The following TRPC5 variants were observed in gnomAD, a reference collection of about 807,000 sequenced individuals.
TRPC5 encodes the protein transient receptor potential cation channel subfamily C member 5, also known as short transient receptor potential channel 5.
In TRPC5, 9 loss-of-function variants were observed where a neutral mutation model predicts 56.5. The observed-to-expected ratio is 0.16, with a 90% CI of 0.10 to 0.28. TRPC5 has a LOEUF of 0.28. Ranked by LOEUF, TRPC5 falls within the 10% of genes least tolerant of loss-of-function variation. The probability of loss-of-function intolerance (pLI) is 1.00; values close to 1 mark genes in which losing one functional copy is unlikely to be tolerated. For synonymous variants in TRPC5, 282 were observed against 278.5 expected (o/e 1.01, Z -0.13); for missense variants, 469 against 748.9 (o/e 0.63, Z 4.36).
At chrX:111,791,574 T>A (rs1458231661) in intron 7 of TRPC5, among the ~76,000 whole-genome samples, 1 of 111,887 alleles carries the variant, frequency 8.9e-6, no homozygotes, top group Non-Finnish European at 1.9e-5. Context: ...GCCTGCAGAG[T>A]CTCATCCAAC....
chrX:111,901,806 A>T, intron 3 of TRPC5: 1 of 993,654 alleles, frequency 1.0e-6, no homozygotes, highest in Non-Finnish European at 1.3e-6. Flanking sequence ...TCCATTTGCT[A>T]GAGCTTTTAG....
At chrX:111,783,772 A>T (rs1475624656) in intron 7 of TRPC5, among the ~76,000 whole-genome samples, 1 of 111,187 alleles carries the variant, frequency 9.0e-6, no homozygotes, top group African/African-American at 3.3e-5. Context: ...GAAAGTCAAA[A>T]TTATCATGTT....
At position 112,071,309 on chromosome X, in the gene TRPC5, AAAATAAATAAAT is replaced by A. The variant is rs199726256; in HGVS notation, c.-22+10558_-22+10569del. On this transcript the variant is annotated intron_variant, in intron 1 of 10. Transcript: ENST00000262839. ...GGTGGCAGATTGAGACCCTGTCTCA[AAAATAAATAAAT>A]AAATAAATAAATAAATAAATAAATA... Among the ~76,000 whole-genome samples the A allele has an allele frequency of 1.5e-3, 161 of 105,231 alleles. 1 individual carries two copies. The highest frequency in any genetic ancestry group is 5.3e-3 in the East Asian group (18 of 3,413). 91.4% of individuals were successfully genotyped at this position (105,231 alleles called of 115,157 possible).
At chrX:111,810,816 G>A (rs1243536907) in intron 7 of TRPC5, among the ~76,000 whole-genome samples, 1 of 111,234 alleles carries the variant, frequency 9.0e-6, no homozygotes, top group Non-Finnish European at 1.9e-5. Flanking sequence ...TTATATTTGT[G>A]TTCTTTCAAG....
rs141328089 is a variant in TRPC5, at chrX:111,993,732, C to T, written c.-21-41291G>A. Among the ~76,000 whole-genome samples, 597 of 112,129 alleles carry T rather than the reference C, an allele frequency of 5.3e-3. 7 individuals are homozygous for T. Among genetic ancestry groups the T allele is most frequent in the South Asian group, 0.015 (39 of 2,668 alleles). On this transcript the variant is annotated intron_variant, in intron 1 of 10. Coordinates refer to ENST00000262839, the MANE Select transcript of TRPC5 (RefSeq NM_012471.3). Reference sequence around the variant, plus strand: ...AAAGTGTCTGTTTGTATCCTTTGCCCACTTTTTGATGGGGTTGTTTGTTTT... The same window carrying T: ...AAAGTGTCTGTTTGTATCCTTTGCCTACTTTTTGATGGGGTTGTTTGTTTT...
intron 7 of TRPC5, among the ~76,000 whole-genome samples, chrX:111,804,729 T>G (rs776812934): frequency 2.4e-3 from 267 of 112,129 alleles, no homozygotes; most frequent in African/African-American, 8.4e-3. Flanking sequence ...CTGAAGTTGC[T>G]TATCAGCTTA....
intron 1 of TRPC5, among the ~76,000 whole-genome samples, chrX:112,071,767 C>T (rs980581394): frequency 8.9e-6 from 1 of 112,101 alleles, no homozygotes; most frequent in African/African-American, 3.2e-5. Context: ...CTTGAGGCCA[C>T]ACCAAAACAG....
chrX:111,964,624 T>C (rs1353414791), intron 1 of TRPC5, among the ~76,000 whole-genome samples: 3 of 112,669 alleles, frequency 2.7e-5, no homozygotes, highest in African/African-American at 9.7e-5. Context: ...ACAGCGGATC[T>C]CTTGGCAGAA....
rs984191366 is a variant in TRPC5 at position 111,774,081 on chromosome X, G to A, written c.*2232C>T. On this transcript the variant is annotated 3_prime_UTR_variant, in exon 11 of 11. Coordinates refer to ENST00000262839, the MANE Select transcript of TRPC5 (RefSeq NM_012471.3). ...AAGATCTGAAAAGGAATGTACTCCCGTGACATATGACACTGGTTCTTTCAA... is the reference window on the plus strand; with the variant it reads ...AAGATCTGAAAAGGAATGTACTCCCATGACATATGACACTGGTTCTTTCAA... 1.7e-4 allele frequency among the ~76,000 whole-genome samples: 19 copies of A among 111,389 alleles called. No individual in the cohort carries two copies. Among genetic ancestry groups the A allele is most frequent in the African/African-American group, 6.2e-4 (19 of 30,620 alleles).
chrX:111,849,749 G>T (rs1923031522), intron 5 of TRPC5, among the ~76,000 whole-genome samples: 1 of 111,877 alleles, frequency 8.9e-6, no homozygotes, highest in Admixed American at 9.5e-5. Flanking sequence ...TTTTTAAAAG[G>T]TTGAGCACCA....
chrX:111,909,902 C>T (rs1246597938), intron 3 of TRPC5, among the ~76,000 whole-genome samples: 2 of 111,205 alleles, frequency 1.8e-5, no homozygotes, highest in African/African-American at 6.6e-5. Context: ...CAAGCAGATC[C>T]CCATGAGAGT....
intron 1 of TRPC5, among the ~76,000 whole-genome samples, chrX:111,996,152 T>A (rs1928523383): frequency 8.9e-6 from 1 of 112,276 alleles, no homozygotes; most frequent in African/African-American, 3.2e-5. Context: ...CACACTGCTT[T>A]AAATGTGTCC....
At chrX:112,041,813 A>AT (rs1411248525) in intron 1 of TRPC5, among the ~76,000 whole-genome samples, 2 of 111,669 alleles carry the variant, frequency 1.8e-5, no homozygotes, top group Admixed American at 1.9e-4. Context: ...TCTCTGATCT[A>AT]TTTTTTTTCC....
chrX:111,979,878 T>G (rs1001203201), intron 1 of TRPC5, among the ~76,000 whole-genome samples: 2 of 111,607 alleles, frequency 1.8e-5, no homozygotes, highest in Admixed American at 1.9e-4. Context: ...CTAGAGGGAA[T>G]GAAAAAATGG....
At chrX:112,005,368 C>T (rs763594221) in intron 1 of TRPC5, among the ~76,000 whole-genome samples, 1 of 107,482 alleles carries the variant, frequency 9.3e-6, no homozygotes, top group African/African-American at 3.4e-5. Context: ...GGCCTAATAC[C>T]TGGGTGACGA....
chrX:111,804,039 T>G (rs1448166010), intron 7 of TRPC5, among the ~76,000 whole-genome samples: 2 of 111,989 alleles, frequency 1.8e-5, no homozygotes, highest in Admixed American at 1.9e-4. Context: ...AAGGTGTAAG[T>G]AAGGGATCCA....
At chrX:111,929,140 C>T (rs1252565985) in intron 2 of TRPC5, among the ~76,000 whole-genome samples, 2 of 112,150 alleles carry the variant, frequency 1.8e-5, no homozygotes, top group Admixed American at 9.5e-5. Context: ...TCAGCTCTTG[C>T]AGGGCTCCAC....
chrX:111,997,869 T>C (rs1202646386), intron 1 of TRPC5, among the ~76,000 whole-genome samples: 3 of 110,782 alleles, frequency 2.7e-5, no homozygotes, highest in Non-Finnish European at 3.8e-5. Context: ...CTCTACACTG[T>C]TTATTCTAGT....
intron 7 of TRPC5, among the ~76,000 whole-genome samples, chrX:111,787,952 A>G (rs374179588): frequency 8.9e-6 from 1 of 112,053 alleles, no homozygotes; most frequent in African/African-American, 3.3e-5. Flanking sequence ...GTCCAGTACC[A>G]GATGGATTTA....
Sources: gnomAD v4.1 joint callset for allele counts (sites outside exome capture counted in the v4.1 genomes callset) on GRCh38, gnomAD v4.1.1 for gene constraint, MANE v1.5 for transcripts, NCBI Gene and HGNC (gene_info 2026-07-23, HGNC 2026-07-21) for gene names.